Variants in JDP2 observed in about 807,000 individuals in gnomAD.
JDP2 encodes the protein progesterone receptor co-activator.
In JDP2, 9 loss-of-function variants were observed where a neutral mutation model predicts 17.1. The observed-to-expected ratio is 0.53, with a 90% CI of 0.32 to 0.92. The LOEUF (loss-of-function observed/expected upper bound fraction) is 0.92, where lower values mean the gene tolerates loss of function less well. JDP2 is among the 40% of genes least tolerant of loss of function. JDP2 has a pLI of 0.04. For synonymous variants in JDP2, 107 were observed against 95.6 expected (o/e 1.12, Z -0.69); for missense variants, 179 against 220.0 (o/e 0.81, Z 1.18).
chr14:75,456,252 C>G (rs191094637), intron 2 of JDP2, among the ~76,000 whole-genome samples: 2 of 152,348 alleles, frequency 1.3e-5, no homozygotes, highest in East Asian at 3.9e-4. Flanking sequence ...GATTGTTCCT[C>G]TGTCTGTGCC....
chr14:75,463,646 G>A (rs1886437141), intron 3 of JDP2, among the ~76,000 whole-genome samples: 1 of 152,152 alleles, frequency 6.6e-6, no homozygotes, highest in South Asian at 2.1e-4. Flanking sequence ...GGGTTATGAG[G>A]AATGGAAGGG....
At chr14:75,431,465 G>A (rs1425931237) in intron 1 of JDP2, among the ~76,000 whole-genome samples, 2 of 152,224 alleles carry the variant, frequency 1.3e-5, no homozygotes, top group African/African-American at 4.8e-5. Flanking sequence ...TGCAGGGATG[G>A]AGTAGAGGGC....
chr14:75,444,591 A>G (rs1254425882), intron 2 of JDP2, among the ~76,000 whole-genome samples: 2 of 152,192 alleles, frequency 1.3e-5, no homozygotes, highest in African/African-American at 4.8e-5. Flanking sequence ...AGAAAATCCA[A>G]ACTGCCCTTT....
At chr14:75,462,575 CATTT>C (rs1477417215) in intron 3 of JDP2, among the ~76,000 whole-genome samples, 2 of 152,152 alleles carry the variant, frequency 1.3e-5, no homozygotes, top group African/African-American at 2.4e-5. Context: ...GGCATTCATT[CATTT>C]GTTTGCTCTT....
At chr14:75,456,449 G>A (rs758237910) in intron 2 of JDP2, among the ~76,000 whole-genome samples, 2 of 152,152 alleles carry the variant, frequency 1.3e-5, no homozygotes, top group Non-Finnish European at 2.9e-5. Context: ...TGAGGTGCCC[G>A]GGGGCGTGGC....
At chr14:75,453,310 G>C (rs976380337) in intron 2 of JDP2, among the ~76,000 whole-genome samples, 2 of 152,144 alleles carry the variant, frequency 1.3e-5, no homozygotes. Context: ...GCTCCTCCAT[G>C]CAGGGGGGGC....
intron 2 of JDP2, among the ~76,000 whole-genome samples, chr14:75,459,968 G>A (rs1886284384): frequency 6.6e-6 from 1 of 152,194 alleles, no homozygotes; most frequent in Non-Finnish European, 1.5e-5. Flanking sequence ...ATGGCCTTGG[G>A]CAAATTGAAC....
intron 3 of JDP2, 129 bp from the exon 4 acceptor site, chr14:75,469,161 G>T (rs1043094591): frequency 2.5e-6 from 2 of 786,344 alleles, no homozygotes; most frequent in Non-Finnish European, 2.0e-6. Context: ...CAGTAGCAGG[G>T]TCTGTGCTTC....
chr14:75,436,112 A>G (rs1885051846), intron 1 of JDP2, among the ~76,000 whole-genome samples: 2 of 152,222 alleles, frequency 1.3e-5, no homozygotes, highest in South Asian at 4.1e-4. Flanking sequence ...TAGACTCTGG[A>G]CTTGGACAGG....
At chr14:75,435,991 G>A (rs966497723) in intron 1 of JDP2, among the ~76,000 whole-genome samples, 4 of 152,118 alleles carry the variant, frequency 2.6e-5, no homozygotes, top group East Asian at 3.8e-4. Context: ...CAGGCACCTC[G>A]CTTTAGACAC....
intron 2 of JDP2, among the ~76,000 whole-genome samples, chr14:75,440,392 T>C (rs1594951637): frequency 6.6e-6 from 1 of 152,066 alleles, no homozygotes; most frequent in Non-Finnish European, 1.5e-5. Context: ...TAAAGCGGGG[T>C]GGGGAAAGAA....
At chr14:75,448,870 G>A (rs942126658) in intron 2 of JDP2, among the ~76,000 whole-genome samples, 1 of 152,196 alleles carries the variant, frequency 6.6e-6, no homozygotes, top group Admixed American at 6.5e-5. Flanking sequence ...GCAATGGGGA[G>A]CTCTGTGTCC....
chr14:75,467,838 C>T (rs529890921), intron 3 of JDP2, among the ~76,000 whole-genome samples: 1 of 152,260 alleles, frequency 6.6e-6, no homozygotes, highest in African/African-American at 2.4e-5. Flanking sequence ...ACCACCAGAG[C>T]TGGTTTTTAA....
intron 1 of JDP2, chr14:75,432,089 C>G: frequency 6.9e-6 from 4 of 576,722 alleles, no homozygotes; most frequent in Non-Finnish European, 1.2e-5. Flanking sequence ...AACCGCCACT[C>G]TTAACCCCCC....
chr14:75,444,590 A>C (rs1391476544), intron 2 of JDP2, among the ~76,000 whole-genome samples: 1 of 152,208 alleles, frequency 6.6e-6, no homozygotes, highest in Admixed American at 6.5e-5. Flanking sequence ...GAGAAAATCC[A>C]AACTGCCCTT....
At chr14:75,446,507 A>G (rs1242470905) in intron 2 of JDP2, among the ~76,000 whole-genome samples, 2 of 152,242 alleles carry the variant, frequency 1.3e-5, no homozygotes, top group African/African-American at 4.8e-5. Flanking sequence ...ATGCTGTAAT[A>G]TGGATGAACC....
At position 75,454,306 on chromosome 14, in the gene JDP2, C is replaced by A. The variant is rs1415003513; in HGVS notation, c.202-7120C>A. Among the ~76,000 whole-genome samples the A allele has an allele frequency of 4.6e-5, 7 of 152,366 alleles. No individual in the cohort carries two copies. The East Asian group carries it at 1.2e-3, about 25-fold the overall frequency. On this transcript the variant is annotated intron_variant, in intron 2 of 3. Transcript: ENST00000651602. ...ATCAGACCACCCACCCCTTGAAGAG[C>A]AGGACGTGCTCAGGCCCTGCGGCCC...
At position 75,437,888 on chromosome 14, in the gene JDP2, C is replaced by A. The variant is rs1474587068; in HGVS notation, c.-23-10C>A. The A allele has an allele frequency of 6.4e-7, 1 of 1,566,896 alleles. No individual in the cohort carries two copies. Among genetic ancestry groups the A allele is most frequent in the South Asian group, 1.2e-5 (1 of 86,166 alleles). Reference sequence around the variant, plus strand: ...GGCTGACTGTCCTGCTCTTTTCCTGCCCACTCCAGGCTGGCCTGCCACTCC... The same window carrying A: ...GGCTGACTGTCCTGCTCTTTTCCTGACCACTCCAGGCTGGCCTGCCACTCC... On this transcript the variant is annotated splice_polypyrimidine_tract_variant and intron_variant, in intron 1 of 3. Coordinates refer to ENST00000651602, the MANE Select transcript of JDP2 (RefSeq NM_001135048.2).
At chr14:75,433,783 G>A (rs1166904202) in intron 1 of JDP2, among the ~76,000 whole-genome samples, 1 of 152,040 alleles carries the variant, frequency 6.6e-6, no homozygotes, top group Non-Finnish European at 1.5e-5. Flanking sequence ...CCTGGTCAGT[G>A]TCCCGCATTG....
Sources: gnomAD v4.1 joint callset for allele counts (sites outside exome capture counted in the v4.1 genomes callset) on GRCh38, gnomAD v4.1.1 for gene constraint, MANE v1.5 for transcripts, NCBI Gene and HGNC (gene_info 2026-07-23, HGNC 2026-07-21) for gene names.